PARD3B: variants seen among roughly 807,000 people sequenced by gnomAD.
The protein encoded by PARD3B is par-3 family cell polarity regulator beta.
PARD3B carries 103 observed loss-of-function variants against 130.2 expected under a neutral mutation model. The observed-to-expected ratio is 0.79, with a 90% CI of 0.67 to 0.93. PARD3B has a LOEUF of 0.93. Ranked by LOEUF, PARD3B falls within the 40% of genes least tolerant of loss-of-function variation. The probability of loss-of-function intolerance (pLI) is 0.00; values close to 1 mark genes in which losing one functional copy is unlikely to be tolerated. For missense variants in PARD3B, 1,609 were observed against 1,499.2 expected, an observed-to-expected ratio of 1.07 and a Z score of -1.21; for synonymous variants, 583 against 553.2, an observed-to-expected ratio of 1.05 and a Z score of -0.76.
At chr2:204,672,717 G>A (rs534656392) in intron 1 of PARD3B, among the ~76,000 whole-genome samples, 4 of 152,076 alleles carry the variant, frequency 2.6e-5, no homozygotes, top group South Asian at 2.1e-4. Flanking sequence ...TACCATTCTG[G>A]TGCTTCTCTT....
intron 3 of PARD3B, among the ~76,000 whole-genome samples, chr2:205,016,833 A>G (rs952410590): frequency 6.6e-6 from 1 of 152,210 alleles, no homozygotes; most frequent in African/African-American, 2.4e-5. Context: ...ACTGTCTTGA[A>G]TGGCCACACA....
At position 205,325,529 on chromosome 2, in the gene PARD3B, G is replaced by T. The variant is rs1039031056; in HGVS notation, c.2630+23828G>T. Among the ~76,000 whole-genome samples, 16 of 151,172 alleles carry T rather than the reference G, an allele frequency of 1.1e-4. No homozygotes were observed. The highest frequency in any genetic ancestry group is 2.7e-4 in the African/African-American group (11 of 41,202). On this transcript the variant is annotated intron_variant, in intron 18 of 22. Transcript: ENST00000406610. This position sits in a 1 kb window ranked among gnomAD's most constrained non-coding sequence, Gnocchi z 4.1. ...ACTAATATCATCTCATTGTTTATTA[G>T]TAGTAGTAGTAGTAGTAGTCTCAGA...
chr2:205,566,982 C>T (rs573124448), intron 22 of PARD3B, among the ~76,000 whole-genome samples: 64 of 152,256 alleles, frequency 4.2e-4, no homozygotes, highest in African/African-American at 1.5e-3. Flanking sequence ...TGTGACTAAG[C>T]GTAGCTCTGA....
intron 22 of PARD3B, among the ~76,000 whole-genome samples, chr2:205,613,040 C>T (rs2055292479): frequency 6.6e-6 from 1 of 152,150 alleles, no homozygotes; most frequent in South Asian, 2.1e-4. Flanking sequence ...AAAAACAAGG[C>T]GTGCCTGTCT....
intron 18 of PARD3B, among the ~76,000 whole-genome samples, chr2:205,353,180 G>A (rs2044055432): frequency 6.6e-6 from 1 of 152,144 alleles, no homozygotes; most frequent in Admixed American, 6.5e-5. Flanking sequence ...GGACCAGAAG[G>A]AACAAATGCA....
chr2:205,449,624 CAGGCACTTAG>C (rs1371925881), intron 20 of PARD3B, among the ~76,000 whole-genome samples: 2 of 152,086 alleles, frequency 1.3e-5, no homozygotes, highest in East Asian at 1.9e-4. Flanking sequence ...GATGTAATAC[CAGGCACTTAG>C]AGGCACTTAG....
At position 204,785,016 on chromosome 2, in the gene PARD3B, C is replaced by T. The variant is rs576821170; in HGVS notation, c.222+98734C>T. On this transcript the variant is annotated intron_variant, in intron 2 of 22. Transcript: ENST00000406610. ...AATCAAACTCCTAACTTTGGTCTAA[C>T]AATTAAAAAATTAACTACAGTAACC... Among the ~76,000 whole-genome samples, 3 of 152,096 alleles carry T rather than the reference C, an allele frequency of 2.0e-5. No homozygotes were observed. The South Asian group carries it at 6.2e-4, about 32-fold the overall frequency.
At chr2:204,945,936 G>A (rs562929627) in intron 2 of PARD3B, among the ~76,000 whole-genome samples, 31 of 152,224 alleles carry the variant, frequency 2.0e-4, no homozygotes, top group Admixed American at 4.6e-4. Flanking sequence ...GCTCCCATGC[G>A]TTTGTGTGTG....
rs542227505 is a variant in PARD3B, at chr2:205,349,009, A to G, written c.2630+47308A>G. Among the ~76,000 whole-genome samples, 4 of 152,276 alleles carry G rather than the reference A, an allele frequency of 2.6e-5. No individual in the cohort carries two copies. In the South Asian group the frequency reaches 6.2e-4, roughly 24 times the overall value. ...AGTGTAATCTTAGCATTGATATTGTATATGTACTGGCTCATTACCCACTGC... is the reference window on the plus strand; with the variant it reads ...AGTGTAATCTTAGCATTGATATTGTGTATGTACTGGCTCATTACCCACTGC... On this transcript the variant is annotated intron_variant, in intron 18 of 22. Transcript: ENST00000406610.
chr2:205,158,806 G>C lies in PARD3B; in HGVS notation c.1519G>C (p.Ala507Pro), dbSNP rs767569790. The C allele has an allele frequency of 1.2e-6, 2 of 1,614,162 alleles. No individual in the cohort carries two copies. Among genetic ancestry groups the C allele is most frequent in the Non-Finnish European group, 1.7e-6 (2 of 1,180,010 alleles). ...GATCCCCCTGAATGATTCAGGTTCT[G>C]CTGGCCTCGGGGTGAGCTTAAAAGG... ...FEIPLNDSGS[A>P]GLGVSLKGNK... The change falls in exon 11 of 23, where the codon GCT (alanine) becomes CCT (proline). Residue 507 changes from alanine (A) to proline (P), a missense_variant. By Grantham distance (27) the Ala-to-Pro change is conservative. Transcript: ENST00000406610. The surrounding 1 kb of genome is among the most constrained non-coding windows in gnomAD (Gnocchi z 5.4).
chr2:205,064,343 G>T (rs1700233359), intron 4 of PARD3B, among the ~76,000 whole-genome samples: 2 of 152,086 alleles, frequency 1.3e-5, no homozygotes, highest in Admixed American at 6.5e-5. Context: ...CTCTTTCATA[G>T]ATTTCATCAT....
chr2:205,464,229 C>G (rs545048054), intron 20 of PARD3B, among the ~76,000 whole-genome samples: 3 of 151,992 alleles, frequency 2.0e-5, no homozygotes, highest in Admixed American at 1.3e-4. Flanking sequence ...ATAGGAGGTA[C>G]CATACTGTAA....
chr2:205,117,413 A>G (rs1278049906), intron 6 of PARD3B, among the ~76,000 whole-genome samples: 2 of 152,136 alleles, frequency 1.3e-5, no homozygotes, highest in Non-Finnish European at 2.9e-5. Flanking sequence ...TTCATTTAAC[A>G]TTTTGAAGTG....
intron 2 of PARD3B, among the ~76,000 whole-genome samples, chr2:204,882,283 G>A (rs2046085159): frequency 6.6e-6 from 1 of 152,176 alleles, no homozygotes; most frequent in Admixed American, 6.5e-5. Context: ...GGCAATATTT[G>A]AGGCCTATTG....
chr2:205,097,718 T>G (rs1210939285), intron 4 of PARD3B, among the ~76,000 whole-genome samples: 1 of 152,196 alleles, frequency 6.6e-6, no homozygotes, highest in Non-Finnish European at 1.5e-5. Flanking sequence ...GAACCACTGT[T>G]AGGCATAGAA....
At position 205,121,950 on chromosome 2, in the gene PARD3B, G is replaced by A; in HGVS notation, c.1165+1G>A. 6.3e-7 allele frequency: 1 copy of A among 1,593,966 alleles called. No homozygotes were observed. Among genetic ancestry groups the A allele is most frequent in the Non-Finnish European group, 8.6e-7 (1 of 1,166,946 alleles). On this transcript the variant is annotated splice_donor_variant, in intron 8 of 22. Transcript: ENST00000406610. LOFTEE classifies it high-confidence loss of function. The surrounding 1 kb of genome is among the most constrained non-coding windows in gnomAD (Gnocchi z 5.0). ...AAAATTAAGATTGACCTAAAGAAAG[G>A]TAATTATTAAATTATGCCTAATAGC... is the stretch of plus-strand genomic sequence containing the variant.
intron 19 of PARD3B, among the ~76,000 whole-genome samples, chr2:205,422,354 A>G (rs1224468352): frequency 1.3e-5 from 2 of 152,190 alleles, no homozygotes; most frequent in African/African-American, 4.8e-5. Context: ...GATTTTATCT[A>G]AGTGTTAAAG....
intron 2 of PARD3B, among the ~76,000 whole-genome samples, chr2:204,706,079 T>G (rs2038133280): frequency 6.6e-6 from 1 of 152,148 alleles, no homozygotes. Context: ...TGCATGTCTT[T>G]GCAAGGGTAA....
rs755053181 is a variant in PARD3B at position 205,121,747 on chromosome 2, T to C, written c.963T>C (p.Pro321=). Residue 321 remains proline (P), a synonymous_variant, in exon 8 of 23, where the codon CCT becomes CCC. Transcript: ENST00000406610. This position sits in a 1 kb window ranked among gnomAD's most constrained non-coding sequence, Gnocchi z 5.0. ...DGVLKTKVPP[P]VHGKSGLKTA... is the part of the protein sequence containing the mutation. ...TTTTGAAAACCAAAGTGCCGCCTCC[T>C]GTCCATGGAAAATCGGGACTAAAGA... 2.5e-6 allele frequency: 4 copies of C among 1,614,032 alleles called. No homozygotes were observed. The African/African-American group carries it at 4.0e-5, about 16-fold the overall frequency.
Sources: allele counts gnomAD v4.1 joint callset (sites outside exome capture counted in the v4.1 genomes callset), GRCh38; gene constraint gnomAD v4.1.1; non-coding constraint Gnocchi (gnomAD v3.1); transcripts MANE v1.5; gene names NCBI Gene and HGNC (gene_info 2026-07-23, HGNC 2026-07-21).